The following FAIM variants were observed in gnomAD, a reference collection of about 807,000 sequenced individuals.
The protein encoded by FAIM is Fas apoptotic inhibitory molecule.
In FAIM, 14 loss-of-function variants were observed where a neutral mutation model predicts 21.2. The observed-to-expected ratio is 0.66, with a 90% CI of 0.44 to 1.03. FAIM has a LOEUF of 1.03. Ranked by LOEUF, FAIM falls within the 50% of genes least tolerant of loss-of-function variation. The pLI, the probability that FAIM is intolerant of heterozygous loss-of-function variation, is 0.00. For synonymous variants in FAIM, 86 were observed against 80.4 expected, an observed-to-expected ratio of 1.07 and a Z score of -0.37; for missense variants, 222 against 247.1, an observed-to-expected ratio of 0.90 and a Z score of 0.68.
At chr3:138,619,684 C>A (rs1331575285) in intron 1 of FAIM, 27 bp from the exon 2 acceptor site, 6 of 1,605,692 alleles carry the variant, frequency 3.7e-6, no homozygotes, top group African/African-American at 1.3e-5. Flanking sequence ...CTGCTTTTTT[C>A]TTTCCTGGCT....
intron 1 of FAIM, among the ~76,000 whole-genome samples, chr3:138,609,573 T>C (rs1246936154): frequency 2.2e-4 from 20 of 90,192 alleles, no homozygotes; most frequent in East Asian, 1.1e-3. Context: ...TCTCTCTCTC[T>C]CTCGACTCTC....
chr3:138,623,214 T>C (rs1364470880), intron 4 of FAIM, among the ~76,000 whole-genome samples: 1 of 152,090 alleles, frequency 6.6e-6, no homozygotes, highest in Non-Finnish European at 1.5e-5. Context: ...GTCTAGGACT[T>C]TTTGAAGAGT....
At chr3:138,621,586 C>T in intron 3 of FAIM, 47 bp downstream of exon 3, 2 of 1,555,662 alleles carry the variant, frequency 1.3e-6, no homozygotes, top group Non-Finnish European at 1.7e-6. Flanking sequence ...TATAGAGAAA[C>T]TTGATTTTGT....
At chr3:138,612,381 G>A (rs762337965) in intron 1 of FAIM, among the ~76,000 whole-genome samples, 23 of 152,032 alleles carry the variant, frequency 1.5e-4, no homozygotes, top group Non-Finnish European at 3.1e-4. Context: ...GATTACAGGC[G>A]TGAGTCACCG....
chr3:138,627,599 G>A (rs1442433806), intron 4 of FAIM, among the ~76,000 whole-genome samples: 1 of 152,152 alleles, frequency 6.6e-6, no homozygotes, highest in African/African-American at 2.4e-5. Context: ...ACACGTACAT[G>A]TTCAGTAAGC....
chr3:138,616,393 G>A (rs1318902332), intron 1 of FAIM, among the ~76,000 whole-genome samples: 1 of 151,882 alleles, frequency 6.6e-6, no homozygotes, highest in Non-Finnish European at 1.5e-5. Context: ...GTTGTTTTTT[G>A]CTTTTGGAAC....
intron 1 of FAIM, among the ~76,000 whole-genome samples, chr3:138,613,194 A>G (rs572742551): frequency 9.4e-4 from 142 of 151,294 alleles, no homozygotes; most frequent in Non-Finnish European, 1.7e-3. Context: ...AATTTTTTGT[A>G]TTTTTAGTAG....
intron 2 of FAIM, among the ~76,000 whole-genome samples, chr3:138,620,026 A>T (rs956475270): frequency 6.6e-6 from 1 of 152,218 alleles, no homozygotes; most frequent in Non-Finnish European, 1.5e-5. Context: ...GTTCTTGGCA[A>T]CCACTTCAAA....
Position 138,622,354 on chromosome 3 carries a change from G to A in FAIM, c.344G>A (p.Arg115Lys). ...AGTCTCAAGAAGTATATGGAGGACA[G>A]ATCAAAAACCACCAATACTTGGGTA... ...GKSLKKYMED[R>K]SKTTNTWVLH... The change falls in exon 4 of 6, where the codon AGA (arginine) becomes AAA (lysine). Residue 115 changes from arginine to lysine, a missense_variant. Physicochemically the swap from Arg to Lys is conservative, Grantham distance 26 (BLOSUM62 2). Coordinates refer to ENST00000360570, the MANE Select transcript of FAIM (RefSeq NM_001033031.2). The A allele has an allele frequency of 6.2e-7, 1 of 1,613,110 alleles. No individual in the cohort carries two copies. The highest frequency in any genetic ancestry group is 8.5e-7 in the Non-Finnish European group (1 of 1,179,766).
chr3:138,626,614 C>T (rs538366548), intron 4 of FAIM, among the ~76,000 whole-genome samples: 1 of 152,284 alleles, frequency 6.6e-6, no homozygotes, highest in East Asian at 1.9e-4. Context: ...TGAGCTGTTT[C>T]TAATCTTTTG....
chr3:138,626,022 C>T (rs899924983), intron 4 of FAIM, among the ~76,000 whole-genome samples: 7 of 152,182 alleles, frequency 4.6e-5, no homozygotes, highest in African/African-American at 1.7e-4. Flanking sequence ...ACATATGAAA[C>T]TTCACGCTGG....
intron 1 of FAIM, among the ~76,000 whole-genome samples, chr3:138,609,533 A>ACTCTCTCTCTCTCT (rs1286573079): frequency 3.0e-4 from 1 of 3,368 alleles, no homozygotes; most frequent in African/African-American, 9.3e-4. Flanking sequence ...AAGTGCTGAA[A>ACTCTCTCTCTCTCT]CTCTCTCTCT....
At chr3:138,626,050 G>T (rs954675671) in intron 4 of FAIM, among the ~76,000 whole-genome samples, 1 of 152,300 alleles carries the variant, frequency 6.6e-6, no homozygotes, top group East Asian at 1.9e-4. Context: ...TTCTCTTTCT[G>T]TTCTGAAAAG....
chr3:138,629,416 A>AAGTAAAATACC (rs1553876296), intron 5 of FAIM: 3 of 288,648 alleles, frequency 1.0e-5, no homozygotes, highest in African/African-American at 4.6e-5. Context: ...AGGCTCCAGC[A>AAGTAAAATACC]TAGCAAGTAA....
chr3:138,625,479 GATA>G (rs1193992950), intron 4 of FAIM, among the ~76,000 whole-genome samples: 3 of 151,188 alleles, frequency 2.0e-5, no homozygotes, highest in East Asian at 2.0e-4. Context: ...AAAAAAAATT[GATA>G]ATAATTTAAA....
rs2043026764 is a variant in FAIM at position 138,633,314 on chromosome 3, T to C, written c.*235T>C. 3.4e-6 allele frequency: 1 copy of C among 294,442 alleles called. No individual in the cohort carries two copies. The highest frequency in any genetic ancestry group is 6.3e-6 in the Non-Finnish European group (1 of 158,384). 18.2% of individuals were successfully genotyped at this position (294,442 alleles called of 1,614,324 possible). The stretch of plus-strand genomic sequence containing the variant: ...TTAAAGACAAATGGCAAATAAGATA[T>C]GGACCAAAGTCACTAATGTTTTACA... On this transcript the variant is annotated 3_prime_UTR_variant, in exon 6 of 6. Coordinates refer to ENST00000360570, the MANE Select transcript of FAIM (RefSeq NM_001033031.2).
chr3:138,629,272 A>G, intron 5 of FAIM, 116 bp downstream of exon 5: 1 of 808,308 alleles, frequency 1.2e-6, no homozygotes. Flanking sequence ...TGATAAAAAC[A>G]AAAAAGGGAT....
intron 4 of FAIM, among the ~76,000 whole-genome samples, chr3:138,623,731 A>G (rs1013164901): frequency 1.3e-5 from 2 of 152,114 alleles, no homozygotes; most frequent in Non-Finnish European, 2.9e-5. Context: ...TAAGTATCCA[A>G]GTCTGCTGCT....
intron 1 of FAIM, among the ~76,000 whole-genome samples, chr3:138,616,705 A>G (rs903805221): frequency 6.6e-6 from 1 of 152,218 alleles, no homozygotes; most frequent in Non-Finnish European, 1.5e-5. Flanking sequence ...CCATTTATAA[A>G]AAGATTTTTT....
Sources: gnomAD v4.1 joint callset for allele counts (sites outside exome capture counted in the v4.1 genomes callset) on GRCh38, gnomAD v4.1.1 for gene constraint, MANE v1.5 for transcripts, NCBI Gene and HGNC (gene_info 2026-07-23, HGNC 2026-07-21) for gene names.